GPC5: variants seen among roughly 807,000 people sequenced by gnomAD.
GPC5 encodes glypican 5.
A neutral mutation model predicts 53.9 loss-of-function variants in GPC5; 47 were observed. That is an observed-to-expected ratio of 0.87 (90% CI 0.69 to 1.11). The LOEUF (loss-of-function observed/expected upper bound fraction) is 1.11. Ranked by LOEUF, GPC5 falls within the 50% of genes most tolerant of loss-of-function variation. The pLI, the probability that GPC5 is intolerant of heterozygous loss-of-function variation, is 0.00. For missense variants in GPC5, 748 were observed against 713.1 expected, an observed-to-expected ratio of 1.05 and a Z score of -0.56; for synonymous variants, 286 against 263.3, an observed-to-expected ratio of 1.09 and a Z score of -0.84.
At chr13:91,824,053 G>GT (rs1372693131) in intron 5 of GPC5, among the ~76,000 whole-genome samples, 1 of 152,042 alleles carries the variant, frequency 6.6e-6, no homozygotes, top group Non-Finnish European at 1.5e-5. Flanking sequence ...AAGTAAAACA[G>GT]TAAGTGGTCA....
intron 5 of GPC5, among the ~76,000 whole-genome samples, chr13:91,889,062 G>T (rs1271000875): frequency 6.6e-6 from 1 of 152,136 alleles, no homozygotes; most frequent in Non-Finnish European, 1.5e-5. Context: ...GGCTTTTCTT[G>T]AGTGAACTGT....
At chr13:92,363,356 G>T (rs528133778) in intron 7 of GPC5, among the ~76,000 whole-genome samples, 1 of 151,744 alleles carries the variant, frequency 6.6e-6, no homozygotes, top group East Asian at 1.9e-4. Flanking sequence ...ACCAGGGACC[G>T]GTTTTGTGGA....
At chr13:92,352,167 C>T (rs891633693) in intron 7 of GPC5, among the ~76,000 whole-genome samples, 8 of 151,850 alleles carry the variant, frequency 5.3e-5, no homozygotes, top group African/African-American at 1.9e-4. Flanking sequence ...ATTGGCATGC[C>T]ATATCAATGC....
At chr13:91,971,923 TG>T (rs1458781884) in intron 6 of GPC5, among the ~76,000 whole-genome samples, 24 of 152,190 alleles carry the variant, frequency 1.6e-4, no homozygotes, top group African/African-American at 5.8e-4. Context: ...GGTGTGGTGC[TG>T]GAAAAAATGT....
intron 7 of GPC5, among the ~76,000 whole-genome samples, chr13:92,521,328 A>C (rs9523703): frequency 0.57 from 86,363 of 152,014 alleles, 25,293 homozygotes; most frequent in East Asian, 0.75. Context: ...AGACAATCCT[A>C]AGCCAAAAGA....
chr13:92,135,238 A>T (rs552275393), intron 6 of GPC5, among the ~76,000 whole-genome samples: 6 of 151,992 alleles, frequency 3.9e-5, no homozygotes, highest in East Asian at 3.9e-4. Context: ...TTTTTCACAA[A>T]TTTTTTTCAG....
At chr13:92,815,365 G>A (rs1028397679) in intron 7 of GPC5, among the ~76,000 whole-genome samples, 1 of 151,952 alleles carries the variant, frequency 6.6e-6, no homozygotes, top group African/African-American at 2.4e-5. Flanking sequence ...AGGAGAGCCT[G>A]CCAGGCAGAA....
chr13:91,838,406 G>A (rs1393038044), intron 5 of GPC5, among the ~76,000 whole-genome samples: 2 of 151,996 alleles, frequency 1.3e-5, no homozygotes, highest in Admixed American at 6.6e-5. Flanking sequence ...CCCTACAGAA[G>A]AACACAAGGT....
At chr13:91,711,113 A>G (rs1232060022) in intron 3 of GPC5, among the ~76,000 whole-genome samples, 2 of 152,194 alleles carry the variant, frequency 1.3e-5, no homozygotes, top group African/African-American at 4.8e-5. Context: ...ATATATACCC[A>G]AAGGATTATA....
chr13:92,093,440 A>T (rs1324032001), intron 6 of GPC5, among the ~76,000 whole-genome samples: 1 of 152,204 alleles, frequency 6.6e-6, no homozygotes, highest in African/African-American at 2.4e-5. Context: ...CTACATGTAT[A>T]TAAAAATACA....
intron 7 of GPC5, among the ~76,000 whole-genome samples, chr13:92,607,999 A>C (rs1201985791): frequency 6.6e-6 from 1 of 152,198 alleles, no homozygotes; most frequent in Non-Finnish European, 1.5e-5. Flanking sequence ...TGAATAGTAA[A>C]TATATTTCCT....
chr13:91,993,491 A>G (rs909940342), intron 6 of GPC5, among the ~76,000 whole-genome samples: 1 of 152,192 alleles, frequency 6.6e-6, no homozygotes, highest in African/African-American at 2.4e-5. Context: ...ATGAAGCAAT[A>G]AGACAACAGA....
intron 6 of GPC5, among the ~76,000 whole-genome samples, chr13:92,096,807 A>G (rs2041425828): frequency 6.6e-6 from 1 of 152,170 alleles, no homozygotes; most frequent in Non-Finnish European, 1.5e-5. Flanking sequence ...AAAAACTAAT[A>G]CAGAGTCTAG....
intron 2 of GPC5, among the ~76,000 whole-genome samples, chr13:91,508,701 C>A (rs1885077537): frequency 6.6e-6 from 1 of 152,174 alleles, no homozygotes; most frequent in East Asian, 1.9e-4. Flanking sequence ...ATGCTACAGA[C>A]AACTGACTAT....
intron 7 of GPC5, among the ~76,000 whole-genome samples, chr13:92,737,635 T>A (rs1005843986): frequency 4.6e-5 from 7 of 152,184 alleles, no homozygotes; most frequent in Admixed American, 4.6e-4. Flanking sequence ...TTTTTACTTA[T>A]GTTTTTGCAT....
intron 2 of GPC5, among the ~76,000 whole-genome samples, chr13:91,492,120 T>C (rs1441352102): frequency 6.6e-6 from 1 of 152,254 alleles, no homozygotes; most frequent in Non-Finnish European, 1.5e-5. Flanking sequence ...ATTTGTTGGA[T>C]AATATTCAAT....
At chr13:92,166,944 TCTCTCTCTCTCTCACACACACACA>T (rs201992385) in intron 7 of GPC5, among the ~76,000 whole-genome samples, 31,595 of 129,648 alleles carry the variant, frequency 0.24, 4,071 homozygotes, top group South Asian at 0.5. Flanking sequence ...TCTCTCTCTC[TCTCTCTCTCTCTCACACACACACA>T]CACACACACA....
chr13:91,957,124 C>T (rs1459771084), intron 6 of GPC5, among the ~76,000 whole-genome samples: 2 of 151,938 alleles, frequency 1.3e-5, no homozygotes, highest in African/African-American at 2.4e-5. Flanking sequence ...CAAAGAGGTA[C>T]ATATCATAGT....
chr13:92,007,256 G>A (rs918482987), intron 6 of GPC5, among the ~76,000 whole-genome samples: 2 of 152,108 alleles, frequency 1.3e-5, no homozygotes, highest in African/African-American at 4.8e-5. Flanking sequence ...ATTTGACATT[G>A]CACTATGCAT....
Sources: allele counts gnomAD v4.1 joint callset (sites outside exome capture counted in the v4.1 genomes callset), GRCh38; gene constraint gnomAD v4.1.1; transcripts MANE v1.5; gene names NCBI Gene and HGNC (gene_info 2026-07-23, HGNC 2026-07-21).